Variants in SYCP2 observed in about 807,000 individuals in gnomAD.
The protein encoded by SYCP2 is synaptonemal complex protein 2.
Under a neutral mutation model 211.3 loss-of-function variants are expected in SYCP2, and 55 were observed. The observed-to-expected ratio is 0.26, with a 90% CI of 0.21 to 0.33. The LOEUF is 0.33. SYCP2 is among the 10% of genes least tolerant of loss of function. The pLI is 1.00. For missense variants in SYCP2, 1,731 were observed against 1,752.0 expected (o/e 0.99, Z 0.21); for synonymous variants, 570 against 555.2 (o/e 1.03, Z -0.37).
chr20:59,908,375 T>G (rs149364821), intron 14 of SYCP2, among the ~76,000 whole-genome samples: 81 of 152,282 alleles, frequency 5.3e-4, no homozygotes, highest in African/African-American at 1.9e-3. Context: ...TTCTCTCCTA[T>G]ACCTTAATTG....
intron 24 of SYCP2, among the ~76,000 whole-genome samples, chr20:59,890,540 A>G (rs1006436686): frequency 6.6e-6 from 1 of 152,150 alleles, no homozygotes; most frequent in Admixed American, 6.5e-5. Flanking sequence ...CAGAACTTAA[A>G]GTATAATAAA....
chr20:59,917,056 A>T (rs1481108041), intron 7 of SYCP2, among the ~76,000 whole-genome samples: 2 of 152,200 alleles, frequency 1.3e-5, no homozygotes, highest in African/African-American at 4.8e-5. Context: ...CCACTCAACA[A>T]ATGTGACTGA....
At chr20:59,875,089 G>C (rs1028388914) in intron 34 of SYCP2, among the ~76,000 whole-genome samples, 182 bp downstream of exon 34, 1 of 151,942 alleles carries the variant, frequency 6.6e-6, no homozygotes, top group Non-Finnish European at 1.5e-5. Flanking sequence ...CAGTATCCTA[G>C]TAGCATTGTT....
At chr20:59,867,868 G>A in intron 38 of SYCP2, 21 bp from the exon 39 acceptor site, 8 of 1,488,584 alleles carry the variant, frequency 5.4e-6, no homozygotes, top group Non-Finnish European at 5.6e-6. Context: ...AAAACAATCT[G>A]CTGAAGTTAA....
chr20:59,926,809 G>T (rs903081728), intron 2 of SYCP2, among the ~76,000 whole-genome samples: 3 of 151,734 alleles, frequency 2.0e-5, no homozygotes, highest in African/African-American at 7.3e-5. Flanking sequence ...TAGTAACCAG[G>T]GCAGCCTGGG....
At chr20:59,879,501 T>G (rs2059625273) in intron 31 of SYCP2, among the ~76,000 whole-genome samples, 1 of 151,930 alleles carries the variant, frequency 6.6e-6, no homozygotes, top group Admixed American at 6.6e-5. Flanking sequence ...AGCACAGAGT[T>G]AAGTCTTCTT....
intron 8 of SYCP2, 156 bp from the exon 9 acceptor site, chr20:59,915,706 TATA>T: frequency 1.9e-6 from 1 of 540,158 alleles, no homozygotes; most frequent in Non-Finnish European, 3.3e-6. Flanking sequence ...ATATATAAAG[TATA>T]AAATAGGCCA....
Position 59,886,745 on chromosome 20 carries a change from G to T in SYCP2, c.2454C>A (p.Ile818=). The change falls in exon 25 of 45, where the codon ATC becomes ATA. Residue 818 remains isoleucine (I), a synonymous_variant. Coordinates refer to ENST00000357552, the MANE Select transcript of SYCP2 (RefSeq NM_014258.4). ...ACTCCTTTAATTTTCTTGTAGACTT[G>T]ATGTCATCTTTTGTTTTGTATCTTT... ...INKRYKTKDD[I]KSTRKLKESL... 1 of 1,584,596 alleles carries T rather than the reference G, an allele frequency of 6.3e-7. No individual in the cohort carries two copies. Among genetic ancestry groups the T allele is most frequent in the South Asian group, 1.2e-5 (1 of 86,162 alleles).
intron 34 of SYCP2, among the ~76,000 whole-genome samples, chr20:59,874,334 A>G (rs768647235): frequency 2.0e-5 from 3 of 152,142 alleles, no homozygotes; most frequent in African/African-American, 7.2e-5. Context: ...GACCTGAAAT[A>G]TAAGGATCAA....
At chr20:59,866,263 C>T in intron 41 of SYCP2, 30 bp downstream of exon 41, 2 of 1,451,832 alleles carry the variant, frequency 1.4e-6, no homozygotes, top group Non-Finnish European at 1.9e-6. Context: ...AGGTTTTAAA[C>T]TTATTTAAAA....
At chr20:59,916,667 T>C in intron 7 of SYCP2, 96 bp from the exon 8 acceptor site, 1 of 809,674 alleles carries the variant, frequency 1.2e-6, no homozygotes. Context: ...GGGCCAGGCA[T>C]GGTAACTCAG....
At chr20:59,893,834 T>A (rs1201619673) in intron 20 of SYCP2, among the ~76,000 whole-genome samples, 3 of 152,076 alleles carry the variant, frequency 2.0e-5, no homozygotes, top group African/African-American at 7.2e-5. Flanking sequence ...ATCACATCCA[T>A]AGCTAGCATA....
Position 59,886,978 on chromosome 20 carries a change from G to C in SYCP2, c.2365-144C>G, listed in dbSNP as rs994541207. ...AGAGAGTCAACTGTTTAGTAAGTTTGAGCTTTGTTAGGCATTAAAATAAGA... is the reference window on the plus strand; with the variant it reads ...AGAGAGTCAACTGTTTAGTAAGTTTCAGCTTTGTTAGGCATTAAAATAAGA... On this transcript the variant is annotated intron_variant, in intron 24 of 44. Coordinates refer to ENST00000357552, the MANE Select transcript of SYCP2 (RefSeq NM_014258.4). The C allele has an allele frequency of 1.5e-5, 9 of 619,122 alleles. No homozygotes were observed. In the Middle Eastern group the frequency reaches 1.7e-3, roughly 114 times the overall value. 38.4% of individuals were successfully genotyped at this position (619,122 alleles called of 1,614,324 possible).
chr20:59,910,822 G>C (rs1310090377), intron 14 of SYCP2, among the ~76,000 whole-genome samples: 1 of 151,538 alleles, frequency 6.6e-6, no homozygotes, highest in African/African-American at 2.4e-5. Flanking sequence ...AAAAAAATCA[G>C]CTTAAAACAC....
intron 1 of SYCP2, among the ~76,000 whole-genome samples, chr20:59,932,911 G>A (rs931312019): frequency 6.6e-6 from 1 of 152,084 alleles, no homozygotes. Flanking sequence ...GGAAGGTTTT[G>A]CGCGCACTCC....
intron 20 of SYCP2, among the ~76,000 whole-genome samples, chr20:59,894,341 C>T (rs770490190): frequency 7.2e-5 from 11 of 151,946 alleles, no homozygotes; most frequent in Non-Finnish European, 1.3e-4. Flanking sequence ...AGCTAGGATG[C>T]TTATCATCCT....
intron 1 of SYCP2, 114 bp from the exon 2 acceptor site, chr20:59,932,268 G>T (rs549538285): frequency 5.9e-5 from 9 of 152,316 alleles, no homozygotes; most frequent in Non-Finnish European, 4.4e-5. Flanking sequence ...AATGCAAGCA[G>T]CAGTAGATAA....
At chr20:59,891,955 G>A (rs1290125780) in intron 24 of SYCP2, 35 bp downstream of exon 24, 2 of 1,506,820 alleles carry the variant, frequency 1.3e-6, no homozygotes, top group Non-Finnish European at 1.8e-6. Context: ...GGCATCTTAT[G>A]GATATGCAGA....
intron 26 of SYCP2, among the ~76,000 whole-genome samples, chr20:59,884,872 T>TAA (rs1482885413): frequency 6.6e-6 from 1 of 151,438 alleles, no homozygotes; most frequent in African/African-American, 2.4e-5. Context: ...AACCCATGAG[T>TAA]AAAATAGCAA....
Sources: gnomAD v4.1 joint callset for allele counts (sites outside exome capture counted in the v4.1 genomes callset) on GRCh38, gnomAD v4.1.1 for gene constraint, MANE v1.5 for transcripts, NCBI Gene and HGNC (gene_info 2026-07-23, HGNC 2026-07-21) for gene names.